Variants in CD99L2 observed in about 807,000 individuals in gnomAD.
The protein encoded by CD99L2 is CD99 molecule like 2.
A neutral mutation model predicts 27.3 loss-of-function variants in CD99L2; 24 were observed. The observed-to-expected ratio is 0.88, with a 90% CI of 0.64 to 1.24. The LOEUF is 1.24. CD99L2 is among the 50% of genes most tolerant of loss of function. The pLI, the probability that CD99L2 is intolerant of heterozygous loss-of-function variation, is 0.00. For synonymous variants in CD99L2, 97 were observed against 87.9 expected, an observed-to-expected ratio of 1.10 and a Z score of -0.58; for missense variants, 255 against 221.6, an observed-to-expected ratio of 1.15 and a Z score of -0.96.
At chrX:150,830,032 G>C in intron 2 of CD99L2, among the ~76,000 whole-genome samples, 1 of 110,045 alleles carries the variant, frequency 9.1e-6, no homozygotes. Context: ...GTACGCACCT[G>C]TAGTCCCAGC....
At chrX:150,796,429 G>A (rs113546636) in intron 4 of CD99L2, among the ~76,000 whole-genome samples, 8,121 of 112,051 alleles carry the variant, frequency 0.072, 381 homozygotes, top group African/African-American at 0.17. Flanking sequence ...ATGATAAAAG[G>A]ATCAATCCAC....
chrX:150,784,158 C>T (rs782814181), intron 7 of CD99L2, among the ~76,000 whole-genome samples: 3 of 110,923 alleles, frequency 2.7e-5, no homozygotes, highest in Non-Finnish European at 5.7e-5. Flanking sequence ...TTTCCCCAGC[C>T]AGCAGTGCCC....
At chrX:150,835,744 T>A (rs1208035756) in intron 1 of CD99L2, among the ~76,000 whole-genome samples, 1 of 110,996 alleles carries the variant, frequency 9.0e-6, no homozygotes, top group Non-Finnish European at 1.9e-5. Context: ...AATTAAAAAA[T>A]AAAAACAAAA....
chrX:150,834,467 G>A (rs1388040095), intron 1 of CD99L2, among the ~76,000 whole-genome samples: 1 of 112,036 alleles, frequency 8.9e-6, no homozygotes, highest in African/African-American at 3.2e-5. Context: ...ACTCCAGCCT[G>A]GTGATAGAGC....
At chrX:150,893,821 T>G (rs1479996020) in intron 1 of CD99L2, among the ~76,000 whole-genome samples, 1 of 109,604 alleles carries the variant, frequency 9.1e-6, no homozygotes, top group Non-Finnish European at 1.9e-5. Context: ...ATTCAAGAGA[T>G]TCTCATGCTT....
chrX:150,780,188 A>C (rs143140060), intron 7 of CD99L2, among the ~76,000 whole-genome samples: 17 of 112,037 alleles, frequency 1.5e-4, no homozygotes, highest in African/African-American at 4.9e-4. Context: ...TCATTGGGGA[A>C]ATGCAAACCA....
chrX:150,821,169 C>T (rs937177447), intron 2 of CD99L2, among the ~76,000 whole-genome samples: 5 of 111,672 alleles, frequency 4.5e-5, no homozygotes, highest in Middle Eastern at 4.6e-3. Flanking sequence ...CAAGCTAATC[C>T]TAATATCCAC....
intron 1 of CD99L2, among the ~76,000 whole-genome samples, chrX:150,842,069 C>G (rs1392649440): frequency 9.0e-6 from 1 of 111,724 alleles, no homozygotes; most frequent in African/African-American, 3.3e-5. Context: ...AACCCGCAGT[C>G]CCTGTATCTG....
chrX:150,879,582 T>G (rs1557422429), intron 1 of CD99L2, among the ~76,000 whole-genome samples: 2 of 108,299 alleles, frequency 1.8e-5, no homozygotes, highest in African/African-American at 6.7e-5. Flanking sequence ...AACAGAATTT[T>G]ACTCCAGAAC....
Position 150,824,604 on chromosome X carries a change from GAGA to G in CD99L2, c.130+6624_130+6626del, listed in dbSNP as rs200547894. Among the ~76,000 whole-genome samples, 737 of 96,536 alleles carry G rather than the reference GAGA, an allele frequency of 7.6e-3. 3 individuals carry two copies. The highest frequency in any genetic ancestry group is 0.028 in the African/African-American group (697 of 24,546). 83.8% of individuals were successfully genotyped at this position (96,536 alleles called of 115,157 possible). The stretch of plus-strand genomic sequence containing the variant: ...GGAGAAGGAGGAGAAGAAGAAGGAG[GAGA>G]AGAAGAAGGAGAAGAAGGAGGAGAA... On this transcript the variant is annotated intron_variant, in intron 2 of 10. Transcript: ENST00000370377.
At chrX:150,857,426 G>T (rs1557421787) in intron 1 of CD99L2, among the ~76,000 whole-genome samples, 2 of 110,131 alleles carry the variant, frequency 1.8e-5, no homozygotes, top group Non-Finnish European at 3.8e-5. Context: ...TAAAATTACA[G>T]GCCAGGAGAG....
intron 4 of CD99L2, among the ~76,000 whole-genome samples, chrX:150,805,053 C>A (rs185505312): frequency 0.091 from 10,047 of 110,953 alleles, 436 homozygotes; most frequent in Middle Eastern, 0.17. Flanking sequence ...AAAAATAAAA[C>A]TAAAACTCTA....
intron 1 of CD99L2, among the ~76,000 whole-genome samples, chrX:150,860,957 C>T (rs1248233611): frequency 1.8e-5 from 2 of 108,842 alleles, no homozygotes; most frequent in African/African-American, 6.7e-5. Context: ...CTGGCCAACA[C>T]GGTGAAACCC....
intron 1 of CD99L2, among the ~76,000 whole-genome samples, chrX:150,831,767 A>C (rs1047945027): frequency 2.5e-4 from 28 of 112,182 alleles, no homozygotes; most frequent in African/African-American, 8.4e-4. Context: ...AAAAAAAGAA[A>C]AATAGACTTT....
chrX:150,843,779 C>T (rs2046658899), intron 1 of CD99L2, among the ~76,000 whole-genome samples: 1 of 111,428 alleles, frequency 9.0e-6, no homozygotes, highest in Admixed American at 9.6e-5. Context: ...TTTTCCATTT[C>T]TCTGCCTTAA....
intron 1 of CD99L2, among the ~76,000 whole-genome samples, chrX:150,855,524 T>G (rs2046868070): frequency 1.8e-5 from 2 of 110,821 alleles, no homozygotes; most frequent in South Asian, 7.8e-4. Context: ...GATCTCGTGA[T>G]AACTCACTCA....
intron 7 of CD99L2, among the ~76,000 whole-genome samples, chrX:150,787,888 G>GTGTATA (rs1473718727): frequency 1.6e-5 from 1 of 63,861 alleles, no homozygotes; most frequent in African/African-American, 5.0e-5. Context: ...AGAACTTAAA[G>GTGTATA]TATATATATA....
At chrX:150,791,973 T>C (rs1279531020) in intron 7 of CD99L2, among the ~76,000 whole-genome samples, 1 of 112,234 alleles carries the variant, frequency 8.9e-6, no homozygotes, top group African/African-American at 3.2e-5. Context: ...ATTAGGATTC[T>C]TTTCATGCTG....
At chrX:150,832,272 T>C in intron 1 of CD99L2, among the ~76,000 whole-genome samples, 1 of 112,605 alleles carries the variant, frequency 8.9e-6, no homozygotes, top group Middle Eastern at 4.6e-3. Flanking sequence ...CACAAATATG[T>C]GGAAATTAAA....
Sources: gnomAD v4.1 joint callset for allele counts (sites outside exome capture counted in the v4.1 genomes callset) on GRCh38, gnomAD v4.1.1 for gene constraint, MANE v1.5 for transcripts, NCBI Gene and HGNC (gene_info 2026-07-23, HGNC 2026-07-21) for gene names.